Variants in MRTFB observed in about 807,000 individuals in gnomAD.
MRTFB encodes the protein myocardin-related transcription factor B.
MRTFB carries 29 observed loss-of-function variants against 104.2 expected under a neutral mutation model. That is an observed-to-expected ratio of 0.28 (90% CI 0.21 to 0.38). The LOEUF (loss-of-function observed/expected upper bound fraction) is 0.38. Ranked by LOEUF, MRTFB falls within the 10% of genes least tolerant of loss-of-function variation. MRTFB has a pLI of 1.00. For missense variants in MRTFB, 1,270 were observed against 1,341.6 expected, an observed-to-expected ratio of 0.95 and a Z score of 0.83; for synonymous variants, 535 against 519.5, an observed-to-expected ratio of 1.03 and a Z score of -0.41.
At chr16:14,124,800 C>G (rs776553789) in intron 2 of MRTFB, among the ~76,000 whole-genome samples, 5 of 152,190 alleles carry the variant, frequency 3.3e-5, no homozygotes, top group Non-Finnish European at 5.9e-5. Context: ...GAAACATTCT[C>G]TCTTTTTCTG....
At chr16:14,113,200 C>T (rs2036364765) in intron 2 of MRTFB, among the ~76,000 whole-genome samples, 1 of 152,240 alleles carries the variant, frequency 6.6e-6, no homozygotes, top group East Asian at 1.9e-4. Flanking sequence ...CCTGCCACCA[C>T]ACCCAGCTAA....
chr16:14,170,525 C>T (rs1391617605), intron 3 of MRTFB: 1 of 152,158 alleles, frequency 6.6e-6, no homozygotes, highest in Non-Finnish European at 1.5e-5. Flanking sequence ...AATGGCTATA[C>T]AATATCATTA....
chr16:14,040,547 C>G, the MRTFB span, among the ~76,000 whole-genome samples: 3 of 151,434 alleles, frequency 2.0e-5, no homozygotes, highest in Non-Finnish European at 2.9e-5. Flanking sequence ...ACTCCAACCT[C>G]CGCCTCCCTG....
intron 8 of MRTFB, among the ~76,000 whole-genome samples, chr16:14,227,422 A>C (rs2042056423): frequency 6.6e-6 from 1 of 152,216 alleles, no homozygotes; most frequent in East Asian, 1.9e-4. Flanking sequence ...AGGCCTTGCC[A>C]GATGCACATG....
rs968520289 is a variant in MRTFB, at chr16:14,247,662, C to G, written c.2247+155C>G. On this transcript the variant is annotated intron_variant, in intron 12 of 16. Coordinates refer to ENST00000571589, the MANE Select transcript of MRTFB (RefSeq NM_001308142.2). ...ATGTGTGAGAGGGTTATTCAGAAAT[C>G]TGAATATCTAGCACTGTTTTTATAT... 6.0e-6 allele frequency: 4 copies of G among 662,888 alleles called. No homozygotes were observed. The African/African-American group carries it at 7.3e-5, about 12-fold the overall frequency. The allele number at this position is 662,888 out of a possible 1,614,324, so 41.1% of individuals were successfully genotyped here.
chr16:14,251,747 C>A, intron 13 of MRTFB, 115 bp from the exon 14 acceptor site: 3 of 1,081,476 alleles, frequency 2.8e-6, no homozygotes, highest in South Asian at 3.0e-5. Context: ...AAGCTATATA[C>A]TCTGCAGCCC....
At chr16:14,017,687 G>GTATATATATA in the MRTFB span, among the ~76,000 whole-genome samples, 1 of 6,806 alleles carries the variant, frequency 1.5e-4, no homozygotes, top group Non-Finnish European at 4.8e-4. Context: ...GTGTGTGTGT[G>GTATATATATA]TATATATATA....
chr16:14,022,304 A>G, the MRTFB span, among the ~76,000 whole-genome samples: 1 of 152,192 alleles, frequency 6.6e-6, no homozygotes, highest in African/African-American at 2.4e-5. Flanking sequence ...CTGAGTTCTA[A>G]TTCCTATCTC....
the MRTFB span, among the ~76,000 whole-genome samples, chr16:14,039,457 T>C: frequency 4.6e-5 from 7 of 152,114 alleles, no homozygotes; most frequent in South Asian, 2.1e-4. Context: ...AACACAAGGA[T>C]ATGAATACCA....
At chr16:14,127,909 ATATATATATATATATATATATTTT>A (rs1393356556) in intron 2 of MRTFB, among the ~76,000 whole-genome samples, 3 of 36,366 alleles carry the variant, frequency 8.2e-5, no homozygotes, top group African/African-American at 1.8e-4. Flanking sequence ...GAATATATAT[ATATATATATATATATATATATTTT>A]TTTTTTTTTT....
intron 10 of MRTFB, chr16:14,241,434 C>A (rs890995808): frequency 1.3e-5 from 2 of 152,186 alleles, no homozygotes; most frequent in African/African-American, 4.8e-5. Context: ...GATATACATT[C>A]CCAATATGCT....
At chr16:14,112,349 G>A (rs568002468) in intron 2 of MRTFB, among the ~76,000 whole-genome samples, 1 of 152,306 alleles carries the variant, frequency 6.6e-6, no homozygotes, top group East Asian at 1.9e-4. Flanking sequence ...GAATGATCAT[G>A]AGGTGAGTGG....
intron 3 of MRTFB, among the ~76,000 whole-genome samples, chr16:14,165,025 GCA>G (rs1440455109): frequency 6.6e-6 from 1 of 151,450 alleles, no homozygotes; most frequent in Non-Finnish European, 1.5e-5. Context: ...TAAGATTTTA[GCA>G]CTTTTTTCCA....
At chr16:14,255,937 AC>A (rs1276699169) in intron 15 of MRTFB, among the ~76,000 whole-genome samples, 1 of 151,848 alleles carries the variant, frequency 6.6e-6, no homozygotes, top group East Asian at 1.9e-4. Flanking sequence ...ACATGATAAA[AC>A]CCCATCATTA....
At chr16:14,200,346 G>T in intron 3 of MRTFB, 1 of 1,607,786 alleles carries the variant, frequency 6.2e-7, no homozygotes, top group Non-Finnish European at 8.5e-7. Context: ...TAAGGCTGGC[G>T]TAGGGCCGCC....
At chr16:14,148,355 G>C (rs2038429514) in intron 3 of MRTFB, among the ~76,000 whole-genome samples, 1 of 152,128 alleles carries the variant, frequency 6.6e-6, no homozygotes, top group Non-Finnish European at 1.5e-5. Flanking sequence ...AGAAAAGATA[G>C]TTTTGGACAC....
chr16:14,250,690 GTGGT>G (rs1195415348), intron 13 of MRTFB, among the ~76,000 whole-genome samples: 2 of 152,258 alleles, frequency 1.3e-5, no homozygotes, highest in African/African-American at 4.8e-5. Flanking sequence ...GCCAAGGAGT[GTGGT>G]AGGGGCCATG....
the MRTFB span, among the ~76,000 whole-genome samples, chr16:14,058,813 G>A: frequency 2.2e-4 from 32 of 147,142 alleles, no homozygotes; most frequent in East Asian, 6.1e-3. Flanking sequence ...CTGCCTCCTG[G>A]ATTCAAGAGA....
At chr16:14,231,280 TAATAATAATAAAATAAAA>T (rs1390244678) in intron 8 of MRTFB, among the ~76,000 whole-genome samples, 1 of 148,424 alleles carries the variant, frequency 6.7e-6, no homozygotes, top group Non-Finnish European at 1.5e-5. Flanking sequence ...ACTTAAAGTA[TAATAATAATAAAATAAAA>T]AATAAAAATA....
Sources: allele counts gnomAD v4.1 joint callset (sites outside exome capture counted in the v4.1 genomes callset), GRCh38; gene constraint gnomAD v4.1.1; transcripts MANE v1.5; gene names NCBI Gene and HGNC (gene_info 2026-07-23, HGNC 2026-07-21).